SENP1: variants seen among roughly 807,000 people sequenced by gnomAD.
SENP1 encodes sentrin-specific protease 1.
SENP1 carries 21 observed loss-of-function variants against 93.0 expected under a neutral mutation model. The ratio of observed to expected loss-of-function variants is 0.23; its 90% CI spans 0.16 to 0.33. The LOEUF (loss-of-function observed/expected upper bound fraction) is 0.33. Among genes scored for constraint, SENP1 ranks in the 10% least tolerant of loss-of-function variants. SENP1 has a pLI of 1.00. For synonymous variants in SENP1, 256 were observed against 259.6 expected (o/e 0.99, Z 0.13); for missense variants, 591 against 758.7 (o/e 0.78, Z 2.60).
chr12:48,081,467 C>T (rs1457423218), intron 6 of SENP1: 1 of 151,640 alleles, frequency 6.6e-6, no homozygotes, highest in African/African-American at 2.4e-5. Flanking sequence ...TGTTGTCCAG[C>T]TTTGTCATCA....
At chr12:48,084,298 C>A (rs755991893) in intron 5 of SENP1, among the ~76,000 whole-genome samples, 7 of 152,044 alleles carry the variant, frequency 4.6e-5, no homozygotes, top group Non-Finnish European at 8.8e-5. Context: ...TATTAGGCTG[C>A]GTCATTAAAT....
chr12:48,065,928 C>G (rs1943266039), intron 10 of SENP1, among the ~76,000 whole-genome samples: 1 of 152,116 alleles, frequency 6.6e-6, no homozygotes, highest in South Asian at 2.1e-4. Context: ...GTCTCAAACT[C>G]CTGGGCTCAA....
intron 16 of SENP1, 48 bp downstream of exon 16, chr12:48,046,930 C>T (rs1406346580): frequency 2.3e-6 from 3 of 1,286,018 alleles, no homozygotes; most frequent in Admixed American, 3.5e-5. Flanking sequence ...TCTTTCCTCC[C>T]CAAATACCCT....
intron 17 of SENP1, among the ~76,000 whole-genome samples, chr12:48,045,612 G>A (rs1199504758): frequency 6.6e-6 from 1 of 151,928 alleles, no homozygotes; most frequent in Non-Finnish European, 1.5e-5. Context: ...GTATTTCCAG[G>A]AATCCCCAGG....
intron 4 of SENP1, 75 bp downstream of exon 4, chr12:48,096,268 T>C (rs1945549156): frequency 5.2e-6 from 4 of 764,176 alleles, no homozygotes; most frequent in Non-Finnish European, 8.7e-6. Context: ...CTTTTGGAGA[T>C]GATAAACATA....
chr12:48,085,396 T>C lies in SENP1; in HGVS notation c.381-1634A>G, dbSNP rs990092009. 4.0e-6 allele frequency: 5 copies of C among 1,246,292 alleles called. No individual in the cohort carries two copies. The East Asian group carries it at 9.5e-5, about 24-fold the overall frequency. 77.2% of individuals were successfully genotyped at this position (1,246,292 alleles called of 1,614,324 possible). A position where few individuals can be genotyped will look rare whatever the true frequency, so the allele number is the denominator to read the frequency against. ...TCCACCCTGCGGAGGGCCAGGGGCA[T>C]GTTCACTGCCGAAGACCTGTGCTAG... is the stretch of plus-strand genomic sequence containing the variant. On this transcript the variant is annotated intron_variant, in intron 5 of 17. Transcript: ENST00000549518.
Position 48,078,334 on chromosome 12 carries a change from T to TACACAC in SENP1, c.553-3547_553-3542dup, listed in dbSNP as rs1555182749. Among the ~76,000 whole-genome samples, 9 of 67,872 alleles carry TACACAC rather than the reference T, an allele frequency of 1.3e-4. No homozygotes were observed. The East Asian group carries it at 4.4e-3, about 33-fold the overall frequency. The allele number at this position is 67,872 out of a possible 152,430, so 44.5% of individuals were successfully genotyped here. A position where few individuals can be genotyped will look rare whatever the true frequency, so the allele number is the denominator to read the frequency against. ...GTAGGATTTTATATATATATATATA[T>TACACAC]ACACACACATATATATATACACACA... On this transcript the variant is annotated intron_variant, in intron 6 of 17. Transcript: ENST00000549518.
intron 6 of SENP1, chr12:48,081,566 T>C (rs888198381): frequency 7.4e-6 from 1 of 134,640 alleles, no homozygotes; most frequent in East Asian, 2.7e-4. Context: ...GTTGGTGTTT[T>C]TTCGTTTTTT....
At chr12:48,078,317 T>TTTTATATATATATATATATATATA (rs1944243783) in intron 6 of SENP1, among the ~76,000 whole-genome samples, 2 of 70,742 alleles carry the variant, frequency 2.8e-5, no homozygotes, top group Non-Finnish European at 5.7e-5. Flanking sequence ...CTGTAGGATT[T>TTTTATATATATATATATATATATA]TATATATATA....
intron 13 of SENP1, among the ~76,000 whole-genome samples, chr12:48,059,000 T>C (rs1424639564): frequency 2.0e-5 from 3 of 152,196 alleles, no homozygotes; most frequent in Non-Finnish European, 2.9e-5. Context: ...CTATCTTTGT[T>C]CTTCTGTACT....
chr12:48,096,208 AATG>A, intron 4 of SENP1, 132 bp downstream of exon 4: 2 of 562,262 alleles, frequency 3.6e-6, no homozygotes, highest in Non-Finnish European at 6.3e-6. Flanking sequence ...AAGCCATTCA[AATG>A]ATGTTTTAGT....
At chr12:48,063,496 G>A (rs143600196) in intron 13 of SENP1, 1 of 441,196 alleles carries the variant, frequency 2.3e-6, no homozygotes, top group Non-Finnish European at 4.0e-6. Flanking sequence ...GGTAAATTCA[G>A]TGGTTCTCAG....
intron 1 of SENP1, chr12:48,105,617 C>G (rs1946479188): frequency 6.7e-6 from 3 of 449,922 alleles, no homozygotes; most frequent in Non-Finnish European, 1.3e-5. Flanking sequence ...GAGATGAAGC[C>G]GGTACCACAG....
chr12:48,056,362 TAA>T (rs1942347034), intron 13 of SENP1, among the ~76,000 whole-genome samples: 1 of 117,486 alleles, frequency 8.5e-6, no homozygotes, highest in East Asian at 2.7e-4. Context: ...ATATATTATT[TAA>T]TATATTACAT....
At chr12:48,046,614 C>A (rs1410778016) in intron 16 of SENP1, among the ~76,000 whole-genome samples, 163 bp from the exon 17 acceptor site, 1 of 152,068 alleles carries the variant, frequency 6.6e-6, no homozygotes, top group African/African-American at 2.4e-5. Flanking sequence ...AAACAAAATA[C>A]AACATTCCAG....
At chr12:48,086,695 C>A (rs1944885940) in intron 5 of SENP1, among the ~76,000 whole-genome samples, 1 of 152,098 alleles carries the variant, frequency 6.6e-6, no homozygotes, top group African/African-American at 2.4e-5. Context: ...AAGCAACCTG[C>A]CAAATCCAAA....
chr12:48,105,689 C>T lies in SENP1; in HGVS notation c.-45+339G>A, dbSNP rs1372456113. 8.8e-6 allele frequency: 4 copies of T among 455,304 alleles called. No individual in the cohort carries two copies. In the East Asian group the frequency reaches 1.8e-4, roughly 20 times the overall value. 28.2% of individuals were successfully genotyped at this position (455,304 alleles called of 1,614,324 possible). On this transcript the variant is annotated intron_variant, in intron 1 of 17. Coordinates refer to ENST00000549518, the MANE Select transcript of SENP1 (RefSeq NM_001267594.2). The stretch of plus-strand genomic sequence containing the variant: ...AGAAGACCCAGCTCTGGCGGGAAAG[C>T]CCCGGAATCGCAACCGGCCTTTCCC...
intron 11 of SENP1, 138 bp downstream of exon 11, chr12:48,065,458 C>T (rs562467363): frequency 1.7e-5 from 11 of 653,764 alleles, no homozygotes; most frequent in East Asian, 1.1e-4. Flanking sequence ...AGAACATTTA[C>T]GACATATCAT....
chr12:48,096,326 C>T lies in SENP1; in HGVS notation c.220+17G>A. The T allele has an allele frequency of 1.3e-6, 2 of 1,484,262 alleles. No homozygotes were observed. The highest frequency in any genetic ancestry group is 1.9e-6 in the Non-Finnish European group (2 of 1,067,840). The allele number at this position is 1,484,262 out of a possible 1,614,324, so 91.9% of individuals were successfully genotyped here. ...CAAAAGGTATAAAGTCCCTTGACTC[C>T]AAGTAATGTGTCATACCTGAGTAAT... On this transcript the variant is annotated intron_variant, in intron 4 of 17. Coordinates refer to ENST00000549518, the MANE Select transcript of SENP1 (RefSeq NM_001267594.2).
Sources: gnomAD v4.1 joint callset for allele counts (sites outside exome capture counted in the v4.1 genomes callset) on GRCh38, gnomAD v4.1.1 for gene constraint, MANE v1.5 for transcripts, NCBI Gene and HGNC (gene_info 2026-07-23, HGNC 2026-07-21) for gene names.